SLIT2: variants seen among roughly 807,000 people sequenced by gnomAD.
The protein encoded by SLIT2 is slit homolog 2 protein.
In SLIT2, 41 loss-of-function variants were observed where a neutral mutation model predicts 185.7. The ratio of observed to expected loss-of-function variants is 0.22; its 90% CI spans 0.17 to 0.29. The LOEUF is 0.29. SLIT2 is among the 10% of genes least tolerant of loss of function. SLIT2 has a pLI of 1.00. For synonymous variants in SLIT2, 693 were observed against 680.2 expected, an observed-to-expected ratio of 1.02 and a Z score of -0.29; for missense variants, 1,571 against 1,909.0, an observed-to-expected ratio of 0.82 and a Z score of 3.30.
At chr4:20,370,686 T>G (rs1468900973) in intron 4 of SLIT2, among the ~76,000 whole-genome samples, 1 of 152,110 alleles carries the variant, frequency 6.6e-6, no homozygotes, top group Non-Finnish European at 1.5e-5. Context: ...CCTTGGTAAA[T>G]GGCTATGAGG....
chr4:20,399,853 G>T (rs1224220870), intron 4 of SLIT2, among the ~76,000 whole-genome samples: 3 of 151,870 alleles, frequency 2.0e-5, no homozygotes, highest in Non-Finnish European at 2.9e-5. Context: ...ACCTGAGAGG[G>T]ATAAGTTCCA....
chr4:20,494,536 G>A (rs1718053989), intron 9 of SLIT2, among the ~76,000 whole-genome samples: 1 of 152,090 alleles, frequency 6.6e-6, no homozygotes, highest in Admixed American at 6.5e-5. Context: ...CAGCACTTTG[G>A]GAGGCCGAGG....
chr4:20,261,666 T>C (rs1560263536), intron 3 of SLIT2, among the ~76,000 whole-genome samples: 1 of 151,888 alleles, frequency 6.6e-6, no homozygotes, highest in Non-Finnish European at 1.5e-5. Flanking sequence ...GAGAAAGTTT[T>C]TGAAATTTTT....
At chr4:20,572,587 G>A (rs984737679) in intron 29 of SLIT2, among the ~76,000 whole-genome samples, 3 of 152,038 alleles carry the variant, frequency 2.0e-5, no homozygotes, top group Non-Finnish European at 4.4e-5. Flanking sequence ...CTATAAATGT[G>A]GCACCCCTGT....
intron 4 of SLIT2, among the ~76,000 whole-genome samples, chr4:20,441,263 T>C (rs979500200): frequency 6.6e-6 from 1 of 152,226 alleles, no homozygotes; most frequent in African/African-American, 2.4e-5. Flanking sequence ...GATGCCTTTC[T>C]TTAAGCTCAT....
chr4:20,356,238 A>G (rs987917982), intron 4 of SLIT2, among the ~76,000 whole-genome samples: 8 of 152,174 alleles, frequency 5.3e-5, no homozygotes, highest in Admixed American at 4.6e-4. Context: ...TAGAATTTTG[A>G]GGCTAGGTGA....
At chr4:20,387,788 C>A (rs977088653) in intron 4 of SLIT2, among the ~76,000 whole-genome samples, 1 of 152,064 alleles carries the variant, frequency 6.6e-6, no homozygotes. Context: ...CTGAATTCTG[C>A]CAACAACCTG....
rs1257766839 is a variant in SLIT2, at chr4:20,554,203, G to A, written c.2725+235G>A. On this transcript the variant is annotated intron_variant, in intron 26 of 36. Coordinates refer to ENST00000504154, the MANE Select transcript of SLIT2 (RefSeq NM_004787.4). Reference sequence around the variant, plus strand: ...GTAATGACCAAGTTTTCTTGAAAGTGTATCAAAAAACGTAGAGTTCACAAT... The same window carrying A: ...GTAATGACCAAGTTTTCTTGAAAGTATATCAAAAAACGTAGAGTTCACAAT... 6 of 587,700 alleles carry A rather than the reference G, an allele frequency of 1.0e-5. No homozygotes were observed. The Middle Eastern group carries it at 7.9e-4, about 77-fold the overall frequency. The allele number at this position is 587,700 out of a possible 1,614,324, so 36.4% of individuals were successfully genotyped here. A position where few individuals can be genotyped will look rare whatever the true frequency, so the allele number is the denominator to read the frequency against.
chr4:20,612,721 T>C (rs1372202715), intron 34 of SLIT2, among the ~76,000 whole-genome samples: 1 of 151,910 alleles, frequency 6.6e-6, no homozygotes, highest in Non-Finnish European at 1.5e-5. Flanking sequence ...ATTGAGACCA[T>C]CCTGGTTAAC....
chr4:20,293,140 A>G (rs938647232), intron 4 of SLIT2, among the ~76,000 whole-genome samples: 10 of 152,250 alleles, frequency 6.6e-5, no homozygotes, highest in East Asian at 1.9e-4. Context: ...GAAAAAGTTC[A>G]TAAGTTTGCA....
At chr4:20,354,776 A>T (rs1012029955) in intron 4 of SLIT2, among the ~76,000 whole-genome samples, 19 of 152,082 alleles carry the variant, frequency 1.2e-4, no homozygotes, top group Admixed American at 9.2e-4. Flanking sequence ...TACCAAATCT[A>T]ATTATATATT....
At chr4:20,500,246 C>T (rs928794924) in intron 9 of SLIT2, among the ~76,000 whole-genome samples, 3 of 152,064 alleles carry the variant, frequency 2.0e-5, no homozygotes, top group East Asian at 3.9e-4. Context: ...AAAACATAAA[C>T]ATATTCAACT....
rs937707637 is a variant in SLIT2 at position 20,569,503 on chromosome 4, A to G, written c.3088+499A>G. Among the ~76,000 whole-genome samples, 5 of 152,090 alleles carry G rather than the reference A, an allele frequency of 3.3e-5. No individual in the cohort carries two copies. In the East Asian group the frequency reaches 5.8e-4, roughly 18 times the overall value. On this transcript the variant is annotated intron_variant, in intron 29 of 36. Transcript: ENST00000504154. ...GCACTTTGGATAGTCTTATAAGACT[A>G]TCACCTTTTTTCTAACACTTTTGTT...
chr4:20,543,892 T>G (rs903986997), intron 21 of SLIT2, among the ~76,000 whole-genome samples: 2 of 152,152 alleles, frequency 1.3e-5, no homozygotes, highest in African/African-American at 4.8e-5. Flanking sequence ...AATATTTAAT[T>G]CTTATAGTAA....
chr4:20,293,038 GA>G (rs34901560), intron 4 of SLIT2, among the ~76,000 whole-genome samples: 2 of 151,770 alleles, frequency 1.3e-5, no homozygotes, highest in South Asian at 4.1e-4. Flanking sequence ...ATGAGAGGGA[GA>G]AAAAAAAGTC....
At chr4:20,255,061 G>C (rs1048130888) in intron 1 of SLIT2, 1 of 456,278 alleles carries the variant, frequency 2.2e-6, no homozygotes, top group Non-Finnish European at 4.4e-6. Flanking sequence ...CCCCGCGCCA[G>C]TCCGGCCGCC....
intron 4 of SLIT2, among the ~76,000 whole-genome samples, chr4:20,457,001 A>T (rs528393153): frequency 6.6e-6 from 1 of 152,264 alleles, no homozygotes; most frequent in Admixed American, 6.5e-5. Flanking sequence ...AGAGCAAGTC[A>T]TCATTGTTTT....
At chr4:20,435,002 G>A (rs948441426) in intron 4 of SLIT2, among the ~76,000 whole-genome samples, 1 of 152,066 alleles carries the variant, frequency 6.6e-6, no homozygotes. Context: ...AGTTACTGAT[G>A]GTACTGAACT....
intron 4 of SLIT2, among the ~76,000 whole-genome samples, chr4:20,319,806 C>CAAAAAA (rs200940864): frequency 1.1e-5 from 1 of 88,834 alleles, no homozygotes; most frequent in Non-Finnish European, 2.5e-5. Context: ...CACTAAAAAA[C>CAAAAAA]AAAACAAAAA....
Sources: allele counts gnomAD v4.1 joint callset (sites outside exome capture counted in the v4.1 genomes callset), GRCh38; gene constraint gnomAD v4.1.1; transcripts MANE v1.5; gene names NCBI Gene and HGNC (gene_info 2026-07-23, HGNC 2026-07-21).